Variants in SMOC1 observed in about 807,000 individuals in gnomAD.
SMOC1 encodes SPARC-related modular calcium-binding protein 1.
In SMOC1, 22 loss-of-function variants were observed where a neutral mutation model predicts 56.3. The observed-to-expected ratio is 0.39, with a 90% confidence interval of 0.28 to 0.56. The LOEUF (loss-of-function observed/expected upper bound fraction) is 0.56. SMOC1 is among the 20% of genes least tolerant of loss of function. The pLI is 0.61. For missense variants in SMOC1, 509 were observed against 565.4 expected, an observed-to-expected ratio of 0.90 and a Z score of 1.01; for synonymous variants, 193 against 215.0, an observed-to-expected ratio of 0.90 and a Z score of 0.89.
intron 1 of SMOC1, among the ~76,000 whole-genome samples, chr14:69,897,007 G>A (rs1028843870): frequency 6.6e-6 from 1 of 152,216 alleles, no homozygotes; most frequent in South Asian, 2.1e-4. Flanking sequence ...GTAAGTGGAA[G>A]GTCCTGCTGA....
intron 8 of SMOC1, 37 bp from the exon 9 acceptor site, chr14:70,011,448 G>GCC: frequency 5.2e-6 from 7 of 1,356,890 alleles, no homozygotes; most frequent in Non-Finnish European, 7.3e-6. Flanking sequence ...TCAGTTGCCA[G>GCC]CCCCTCCCAA....
At chr14:69,999,947 G>C (rs1371588690) in intron 7 of SMOC1, among the ~76,000 whole-genome samples, 2 of 151,836 alleles carry the variant, frequency 1.3e-5, no homozygotes, top group African/African-American at 4.8e-5. Context: ...TTCTGTTTCT[G>C]TTTCTGGAGG....
At chr14:69,901,287 C>G (rs953709694) in intron 1 of SMOC1, among the ~76,000 whole-genome samples, 2 of 152,240 alleles carry the variant, frequency 1.3e-5, no homozygotes, top group African/African-American at 4.8e-5. Context: ...AAGCACAGCT[C>G]TAACCAGGAG....
chr14:69,959,355 G>A (rs903421534), intron 3 of SMOC1, among the ~76,000 whole-genome samples: 11 of 152,246 alleles, frequency 7.2e-5, no homozygotes, highest in South Asian at 4.2e-4. Flanking sequence ...CTACCACGTC[G>A]CTTTCCATAA....
At chr14:69,978,838 T>C (rs1884072187) in intron 5 of SMOC1, among the ~76,000 whole-genome samples, 1 of 152,160 alleles carries the variant, frequency 6.6e-6, no homozygotes, top group Admixed American at 6.5e-5. Flanking sequence ...GTCTGAGGGC[T>C]GTTTATTGGA....
intron 6 of SMOC1, among the ~76,000 whole-genome samples, chr14:69,993,633 G>A (rs1289640506): frequency 6.6e-6 from 1 of 152,202 alleles, no homozygotes; most frequent in East Asian, 1.9e-4. Context: ...TTTGCAATCA[G>A]CTCACTTATG....
intron 3 of SMOC1, among the ~76,000 whole-genome samples, chr14:69,954,623 C>T (rs1883122861): frequency 6.6e-6 from 1 of 152,152 alleles, no homozygotes; most frequent in South Asian, 2.1e-4. Context: ...GATATGATGC[C>T]AGCTGAGTGA....
chr14:70,008,847 A>G (rs1282266479), intron 7 of SMOC1, among the ~76,000 whole-genome samples: 1 of 152,192 alleles, frequency 6.6e-6, no homozygotes. Context: ...AGGCTACCAA[A>G]TTGGGGTTGG....
chr14:69,941,669 T>C (rs1393481134), intron 1 of SMOC1, among the ~76,000 whole-genome samples: 1 of 152,226 alleles, frequency 6.6e-6, no homozygotes, highest in Non-Finnish European at 1.5e-5. Flanking sequence ...CAAAGACAGC[T>C]GGGAATTTTT....
intron 7 of SMOC1, among the ~76,000 whole-genome samples, chr14:70,003,310 T>G (rs554822763): frequency 1.8e-4 from 28 of 152,290 alleles, no homozygotes; most frequent in African/African-American, 6.5e-4. Flanking sequence ...GAAACCCAAG[T>G]AAGTGCCTCT....
chr14:69,903,828 T>G (rs4902767), intron 1 of SMOC1, among the ~76,000 whole-genome samples: 102,098 of 151,002 alleles, frequency 0.68, 38,870 homozygotes, highest in East Asian at 0.91. Flanking sequence ...TTTATCTGCT[T>G]ACCTTCCCTC....
intron 4 of SMOC1, among the ~76,000 whole-genome samples, chr14:69,976,038 T>G (rs144838524): frequency 3.5e-4 from 53 of 152,316 alleles, no homozygotes; most frequent in African/African-American, 1.3e-3. Context: ...GTTTAGATTT[T>G]TGGTTCAATG....
Position 69,954,887 on chromosome 14 carries a change from A to G in SMOC1, c.378+1355A>G, listed in dbSNP as rs897701917. Among the ~76,000 whole-genome samples the G allele has an allele frequency of 5.3e-5, 8 of 152,288 alleles. No homozygotes were observed. The East Asian group carries it at 1.5e-3, about 29-fold the overall frequency. Reference sequence around the variant, plus strand: ...CAGGTATCATTTCCAGGTGGGACACAGTGGATTACTGATTTGAGACTAACT... The same window carrying G: ...CAGGTATCATTTCCAGGTGGGACACGGTGGATTACTGATTTGAGACTAACT... On this transcript the variant is annotated intron_variant, in intron 3 of 11. Transcript: ENST00000361956.
In SMOC1 at chr14:70,030,252, C is replaced by A. The variant is rs376434940; in HGVS notation, c.1302C>A (p.Leu434=). 9 of 1,609,962 alleles carry A rather than the reference C, an allele frequency of 5.6e-6. No individual in the cohort carries two copies. In the South Asian group the frequency reaches 7.7e-5, roughly 14 times the overall value. The part of the protein sequence containing the change: ...CLGVSKEVGR[L]V ...CCTTCCTTCTCTCAGTAGGACGCCT[C>A]GTCTAAGGAGCAGAAAACCCAAGGG... Residue 434 remains leucine (L), a synonymous_variant, in exon 12 of 12, where the codon CTC becomes CTA. Transcript: ENST00000361956.
At chr14:69,987,782 G>T (rs1884419368) in intron 5 of SMOC1, among the ~76,000 whole-genome samples, 1 of 152,156 alleles carries the variant, frequency 6.6e-6, no homozygotes, top group Non-Finnish European at 1.5e-5. Context: ...GTGTCATCGG[G>T]GGTCGAAGTG....
chr14:69,998,510 A>G (rs185682815), intron 7 of SMOC1, among the ~76,000 whole-genome samples: 1 of 151,910 alleles, frequency 6.6e-6, no homozygotes, highest in East Asian at 1.9e-4. Context: ...TTAACCATCT[A>G]TATGTTACAG....
At chr14:70,005,591 A>ACC (rs959414631) in intron 7 of SMOC1, among the ~76,000 whole-genome samples, 2 of 152,098 alleles carry the variant, frequency 1.3e-5, no homozygotes, top group African/African-American at 4.8e-5. Flanking sequence ...CTGAGTATTT[A>ACC]CCATGTGCCA....
At position 69,955,648 on chromosome 14, in the gene SMOC1, T is replaced by C. The variant is rs73289072; in HGVS notation, c.378+2116T>C. On this transcript the variant is annotated intron_variant, in intron 3 of 11. Transcript: ENST00000361956. ...CCCATCTCTACTGTAGTTCTACTAC[T>C]GAAATCTTTCTATCATGTCGATACC... is the stretch of plus-strand genomic sequence containing the variant. Among the ~76,000 whole-genome samples, 725 of 152,180 alleles carry C rather than the reference T, an allele frequency of 4.8e-3. 2 individuals carry two copies. Among genetic ancestry groups the C allele is most frequent in the African/African-American group, 0.017 (691 of 41,510 alleles).
At chr14:69,972,858 G>A (rs1292753113) in intron 3 of SMOC1, among the ~76,000 whole-genome samples, 1 of 152,196 alleles carries the variant, frequency 6.6e-6, no homozygotes, top group Non-Finnish European at 1.5e-5. Context: ...GAACCAGCCC[G>A]TTCTCTGCAG....
Sources: gnomAD v4.1 joint callset for allele counts (sites outside exome capture counted in the v4.1 genomes callset) on GRCh38, gnomAD v4.1.1 for gene constraint, MANE v1.5 for transcripts, NCBI Gene and HGNC (gene_info 2026-07-23, HGNC 2026-07-21) for gene names.